Variants in YPEL2 observed in about 807,000 individuals in gnomAD.
YPEL2 encodes yippee like 2.
A neutral mutation model predicts 19.1 loss-of-function variants in YPEL2; 2 were observed. The ratio of observed to expected loss-of-function variants is 0.10; its 90% CI spans 0.04 to 0.33. The LOEUF (loss-of-function observed/expected upper bound fraction) is 0.33. YPEL2 is among the 10% of genes least tolerant of loss of function. YPEL2 has a pLI of 1.00. For synonymous variants in YPEL2, 52 were observed against 50.0 expected (o/e 1.04, Z -0.17); for missense variants, 66 against 140.7 (o/e 0.47, Z 2.68).
chr17:59,349,548 T>C (rs948725967), intron 1 of YPEL2, among the ~76,000 whole-genome samples: 3 of 151,930 alleles, frequency 2.0e-5, no homozygotes, highest in Non-Finnish European at 4.4e-5. Flanking sequence ...GGTTTCACCA[T>C]GTTGGCCAGG....
intron 2 of YPEL2, among the ~76,000 whole-genome samples, chr17:59,370,563 C>G (rs1271816111): frequency 6.6e-6 from 1 of 152,160 alleles, no homozygotes; most frequent in African/African-American, 2.4e-5. Context: ...TTTGACTAAA[C>G]AGAGGAACCC....
intron 4 of YPEL2, among the ~76,000 whole-genome samples, chr17:59,390,610 C>G (rs117112439): frequency 1.3e-5 from 2 of 152,232 alleles, no homozygotes; most frequent in Admixed American, 1.3e-4. Context: ...ATTATTCTTT[C>G]ATTGTTTAAC....
chr17:59,395,369 G>A lies in YPEL2; in HGVS notation c.271-1732G>A, dbSNP rs1040255179. 8.5e-5 allele frequency among the ~76,000 whole-genome samples: 13 copies of A among 152,178 alleles called. No individual in the cohort carries two copies. The South Asian group carries it at 1.2e-3, about 15-fold the overall frequency. On this transcript the variant is annotated intron_variant, in intron 4 of 4. Coordinates refer to ENST00000312655, the MANE Select transcript of YPEL2 (RefSeq NM_001005404.4). ...GTGACCCAGAACCCCGCAAGGGTAC[G>A]CCTCAATTCCTTACTAATTCTGGGG...
intron 1 of YPEL2, among the ~76,000 whole-genome samples, chr17:59,333,184 C>T (rs1042696076): frequency 1.3e-5 from 2 of 152,222 alleles, no homozygotes; most frequent in African/African-American, 4.8e-5. Context: ...TTCTTCTAAA[C>T]TGTGTTTTGA....
chr17:59,351,838 G>C lies in YPEL2; in HGVS notation c.-195-1377G>C, dbSNP rs557976497. Among the ~76,000 whole-genome samples the C allele has an allele frequency of 5.9e-5, 9 of 152,314 alleles. No homozygotes were observed. The East Asian group carries it at 1.7e-3, about 29-fold the overall frequency. ...TTCCTTGGCTCAGGGCTGCAGAAGA[G>C]AAGTGCTCTCACTGTGGGTTAAGGG... On this transcript the variant is annotated intron_variant, in intron 1 of 4. Coordinates refer to ENST00000312655, the MANE Select transcript of YPEL2 (RefSeq NM_001005404.4).
chr17:59,395,395 G>A (rs533984149), intron 4 of YPEL2, among the ~76,000 whole-genome samples: 1 of 152,192 alleles, frequency 6.6e-6, no homozygotes, highest in Non-Finnish European at 1.5e-5. Context: ...AATTCTGGGG[G>A]CTCAGGGAAG....
chr17:59,374,395 C>T (rs1419667499), intron 2 of YPEL2, among the ~76,000 whole-genome samples: 1 of 152,198 alleles, frequency 6.6e-6, no homozygotes, highest in Non-Finnish European at 1.5e-5. Flanking sequence ...TCAAGTAACA[C>T]TGTCTCTTCC....
At chr17:59,342,087 CAG>C (rs1474288800) in intron 1 of YPEL2, among the ~76,000 whole-genome samples, 8 of 152,340 alleles carry the variant, frequency 5.3e-5, no homozygotes, top group African/African-American at 1.2e-4. Context: ...CCACAGATGT[CAG>C]AGTCTAGAGT....
intron 1 of YPEL2, among the ~76,000 whole-genome samples, chr17:59,346,262 C>T (rs2047755808): frequency 6.6e-6 from 1 of 152,234 alleles, no homozygotes; most frequent in African/African-American, 2.4e-5. Flanking sequence ...GCTACTTAGT[C>T]ACGTTCCTAC....
chr17:59,341,253 G>A (rs942066696), intron 1 of YPEL2, among the ~76,000 whole-genome samples: 2 of 151,974 alleles, frequency 1.3e-5, no homozygotes, highest in Non-Finnish European at 2.9e-5. Context: ...TTAGCCAGGC[G>A]TGGTGGCTGG....
chr17:59,349,269 G>A (rs1442302528), intron 1 of YPEL2, among the ~76,000 whole-genome samples: 1 of 151,094 alleles, frequency 6.6e-6, no homozygotes, highest in Non-Finnish European at 1.5e-5. Flanking sequence ...AGAAGACAGT[G>A]CAGATGTTGA....
At chr17:59,376,939 C>T (rs2147950983) in intron 2 of YPEL2, among the ~76,000 whole-genome samples, 1 of 90,672 alleles carries the variant, frequency 1.1e-5, no homozygotes, top group East Asian at 3.7e-4. Flanking sequence ...ACAAGAGCAA[C>T]ACACTGTCTC....
intron 3 of YPEL2, 32 bp downstream of exon 3, chr17:59,388,402 G>A: frequency 6.2e-7 from 1 of 1,610,212 alleles, no homozygotes. Context: ...ATTCCTTGTG[G>A]GGTACAGATT....
chr17:59,375,659 G>T (rs2047916838), intron 2 of YPEL2, among the ~76,000 whole-genome samples: 2 of 152,156 alleles, frequency 1.3e-5, no homozygotes, highest in Non-Finnish European at 2.9e-5. Context: ...AATTAATTTG[G>T]AAACTGCAAT....
intron 2 of YPEL2, among the ~76,000 whole-genome samples, chr17:59,383,652 G>A (rs1252786893): frequency 4.5e-5 from 3 of 66,314 alleles, no homozygotes; most frequent in Non-Finnish European, 8.6e-5. Context: ...ATATATATAT[G>A]GTCTAATAGT....
chr17:59,390,210 C>T (rs1051502366), intron 4 of YPEL2, among the ~76,000 whole-genome samples: 3 of 152,068 alleles, frequency 2.0e-5, no homozygotes, highest in East Asian at 1.9e-4. Flanking sequence ...CCATGTTGGC[C>T]GGGCTGGTCT....
chr17:59,356,279 T>G (rs888498550), intron 2 of YPEL2: 1 of 145,450 alleles, frequency 6.9e-6, no homozygotes, highest in Non-Finnish European at 1.5e-5. Flanking sequence ...GCCTTTCATC[T>G]GAAAGCTTGA....
rs527686361 is a variant in YPEL2 at position 59,360,952 on chromosome 17, C to T, written c.117+7426C>T. Reference sequence around the variant, plus strand: ...GTTCAAGCAATTCTCGTGCCTCAGCCACCTGAGTAACTGGGATTACAGGTG... The same window carrying T: ...GTTCAAGCAATTCTCGTGCCTCAGCTACCTGAGTAACTGGGATTACAGGTG... On this transcript the variant is annotated intron_variant, in intron 2 of 4. Coordinates refer to ENST00000312655, the MANE Select transcript of YPEL2 (RefSeq NM_001005404.4). Among the ~76,000 whole-genome samples, 14 of 152,240 alleles carry T rather than the reference C, an allele frequency of 9.2e-5. No individual in the cohort carries two copies. In the South Asian group the frequency reaches 2.9e-3, roughly 32 times the overall value.
At chr17:59,375,394 T>C (rs199859627) in intron 2 of YPEL2, among the ~76,000 whole-genome samples, 2 of 152,222 alleles carry the variant, frequency 1.3e-5, no homozygotes, top group African/African-American at 4.8e-5. Context: ...TTCTTTGCTA[T>C]GTGGTCCAGG....
Sources: gnomAD v4.1 joint callset for allele counts (sites outside exome capture counted in the v4.1 genomes callset) on GRCh38, gnomAD v4.1.1 for gene constraint, MANE v1.5 for transcripts, NCBI Gene and HGNC (gene_info 2026-07-23, HGNC 2026-07-21) for gene names.